Variants in GRM1 observed in about 807,000 individuals in gnomAD.
GRM1 encodes the protein metabotropic glutamate receptor 1.
GRM1 carries 33 observed loss-of-function variants against 90.9 expected under a neutral mutation model. The observed-to-expected ratio is 0.36, with a 90% CI of 0.28 to 0.49. The LOEUF is 0.49. Among genes scored for constraint, GRM1 ranks in the 20% least tolerant of loss-of-function variants. The pLI is 0.99. For missense variants in GRM1, 1,190 were observed against 1,534.3 expected (o/e 0.78, Z 3.75); for synonymous variants, 700 against 613.2 (o/e 1.14, Z -2.09).
rs569283685 is a variant in GRM1 at position 146,171,095 on chromosome 6, A to G, written c.950+11498A>G. On this transcript the variant is annotated intron_variant, in intron 2 of 7. Coordinates refer to ENST00000282753, the MANE Select transcript of GRM1 (RefSeq NM_001278064.2). The stretch of plus-strand genomic sequence containing the variant: ...CTCACTGAGATTTGATGACTTATCC[A>G]GAGCCACTTACCTAGTCACTACAGC... Among the ~76,000 whole-genome samples the G allele has an allele frequency of 2.0e-5, 3 of 152,276 alleles. No homozygotes were observed. In the South Asian group the frequency reaches 6.2e-4, roughly 32 times the overall value.
intron 1 of GRM1, among the ~76,000 whole-genome samples, chr6:146,034,249 T>G (rs747477123): frequency 2.0e-5 from 3 of 152,064 alleles, no homozygotes; most frequent in Non-Finnish European, 4.4e-5. Context: ...CATTGAAGAC[T>G]AGGAGTCATC....
intron 2 of GRM1, among the ~76,000 whole-genome samples, chr6:146,222,588 A>G (rs1780104798): frequency 6.6e-6 from 1 of 152,032 alleles, no homozygotes; most frequent in Non-Finnish European, 1.5e-5. Flanking sequence ...ATTTTTTCCT[A>G]CTTACCTTTT....
At position 146,434,700 on chromosome 6, in the gene GRM1, C is replaced by G. The variant is rs1378592831; in HGVS notation, c.3489C>G (p.Ser1163Arg). ...DSVASGSSVPSSPVSESVLCT... is the reference protein window; with the variant it reads ...DSVASGSSVPRSPVSESVLCT... ...TGGCCTCGGGCAGCTCGGTGCCCAG[C>G]TCCCCCGTGTCCGAGTCGGTGCTCT... The change falls in exon 8 of 8, where the codon AGC becomes AGG. Residue 1163 changes from serine (S) to arginine (R), a missense_variant. By Grantham distance (110) the Ser-to-Arg change is moderately radical. Transcript: ENST00000282753. 6.2e-7 allele frequency: 1 copy of G among 1,604,206 alleles called. No homozygotes were observed. Among genetic ancestry groups the G allele is most frequent in the Non-Finnish European group, 8.5e-7 (1 of 1,179,918 alleles).
Position 146,308,241 on chromosome 6 carries a change from C to T in GRM1, c.1186+3395C>T, listed in dbSNP as rs141485902. Among the ~76,000 whole-genome samples, 446 of 152,240 alleles carry T rather than the reference C, an allele frequency of 2.9e-3. 1 individual carries two copies. The highest frequency in any genetic ancestry group is 9.8e-3 in the African/African-American group (408 of 41,548). ...CCAGTTCAGTTATGTATCAGCCGCA[C>T]GACTTGCATGACCTCACTTAACCTC... On this transcript the variant is annotated intron_variant, in intron 3 of 7. Coordinates refer to ENST00000282753, the MANE Select transcript of GRM1 (RefSeq NM_001278064.2).
chr6:146,079,286 G>A (rs1304250191), intron 1 of GRM1, among the ~76,000 whole-genome samples: 2 of 152,270 alleles, frequency 1.3e-5, no homozygotes, highest in African/African-American at 2.4e-5. Context: ...TAGTTTAAAG[G>A]CAACATTCCA....
chr6:146,087,777 A>T (rs982288138), intron 1 of GRM1, among the ~76,000 whole-genome samples: 1 of 152,174 alleles, frequency 6.6e-6, no homozygotes, highest in Non-Finnish European at 1.5e-5. Context: ...TCAAAAGTTC[A>T]TTCCTTTTTT....
At chr6:146,328,827 T>C (rs1784488554) in intron 3 of GRM1, among the ~76,000 whole-genome samples, 1 of 152,192 alleles carries the variant, frequency 6.6e-6, no homozygotes, top group Non-Finnish European at 1.5e-5. Context: ...TTAGGTGCAG[T>C]TGGGAATTTG....
chr6:146,221,240 G>C (rs577744362), intron 2 of GRM1, among the ~76,000 whole-genome samples: 2 of 152,062 alleles, frequency 1.3e-5, no homozygotes, highest in African/African-American at 4.8e-5. Context: ...TGTGCAGAAC[G>C]TGCAGGTTTG....
chr6:146,357,559 T>A lies in GRM1; in HGVS notation c.1467T>A (p.Ala489=). The change falls in exon 5 of 8, where the codon GCT becomes GCA. Residue 489 remains alanine, a synonymous_variant. Transcript: ENST00000282753. ...YDIMNLQYTE[A]NRYDYVHVGT... ...TCATGAATCTGCAGTACACTGAAGC[T>A]AATCGCTATGACTATGTGCACGTTG... 2 of 1,613,770 alleles carry A rather than the reference T, an allele frequency of 1.2e-6. No individual in the cohort carries two copies. The highest frequency in any genetic ancestry group is 1.7e-6 in the Non-Finnish European group (2 of 1,179,596).
intron 2 of GRM1, among the ~76,000 whole-genome samples, chr6:146,263,994 A>T (rs1781786837): frequency 1.3e-5 from 2 of 152,138 alleles, no homozygotes; most frequent in Admixed American, 6.5e-5. Context: ...AGAGTTAATG[A>T]ATGTTAAATT....
At chr6:146,294,407 G>T (rs745872073) in intron 2 of GRM1, among the ~76,000 whole-genome samples, 3 of 151,870 alleles carry the variant, frequency 2.0e-5, no homozygotes, top group African/African-American at 7.2e-5. Context: ...TTTAAAAAAA[G>T]ATTCTAATTT....
At chr6:146,208,698 A>C (rs1290681279) in intron 2 of GRM1, among the ~76,000 whole-genome samples, 1 of 152,174 alleles carries the variant, frequency 6.6e-6, no homozygotes, top group Non-Finnish European at 1.5e-5. Flanking sequence ...AAATGCACAC[A>C]CACATAAACA....
intron 7 of GRM1, among the ~76,000 whole-genome samples, chr6:146,413,918 G>A (rs998093622): frequency 2.0e-4 from 31 of 152,156 alleles, no homozygotes; most frequent in African/African-American, 7.5e-4. Context: ...GCTGAGTAAT[G>A]TTCCATTGCA....
At chr6:146,396,479 G>T (rs7739106) in intron 6 of GRM1, among the ~76,000 whole-genome samples, 149,825 of 152,300 alleles carry the variant, frequency 0.98, 73,705 homozygotes, top group East Asian at 1. Context: ...ATTTAAAGGA[G>T]CTCCAAACAT....
intron 1 of GRM1, among the ~76,000 whole-genome samples, chr6:146,116,883 T>G (rs1304692351): frequency 6.6e-6 from 1 of 152,002 alleles, no homozygotes; most frequent in Non-Finnish European, 1.5e-5. Context: ...GCATAAAATT[T>G]TATCTAATTT....
At chr6:146,412,867 C>A (rs1034786667) in intron 7 of GRM1, among the ~76,000 whole-genome samples, 13 of 152,166 alleles carry the variant, frequency 8.5e-5, no homozygotes, top group African/African-American at 2.9e-4. Context: ...ATACTACCTT[C>A]CCATCTCCTC....
intron 5 of GRM1, among the ~76,000 whole-genome samples, chr6:146,366,148 T>C (rs1308398668): frequency 1.3e-5 from 2 of 152,150 alleles, no homozygotes; most frequent in African/African-American, 2.4e-5. Flanking sequence ...ATATTTCAAA[T>C]GAATGAATGA....
chr6:146,124,993 A>T (rs938263273), intron 1 of GRM1, among the ~76,000 whole-genome samples: 13 of 152,180 alleles, frequency 8.5e-5, no homozygotes, highest in Admixed American at 8.5e-4. Flanking sequence ...AATGCTAATG[A>T]CATCATGTAA....
At chr6:146,343,643 T>C (rs1785061587) in intron 3 of GRM1, among the ~76,000 whole-genome samples, 1 of 143,856 alleles carries the variant, frequency 7.0e-6, no homozygotes, top group Non-Finnish European at 1.5e-5. Context: ...TTTATTGTTG[T>C]TGTTGTTGTT....
Sources: allele counts gnomAD v4.1 joint callset (sites outside exome capture counted in the v4.1 genomes callset), GRCh38; gene constraint gnomAD v4.1.1; transcripts MANE v1.5; gene names NCBI Gene and HGNC (gene_info 2026-07-23, HGNC 2026-07-21).